Variants in ADAMTSL1 observed in about 807,000 individuals in gnomAD.
ADAMTSL1 encodes ADAMTS like 1.
ADAMTSL1 carries 126 observed loss-of-function variants against 201.8 expected under a neutral mutation model. The observed-to-expected ratio is 0.62, with a 90% confidence interval of 0.54 to 0.72. The LOEUF (loss-of-function observed/expected upper bound fraction) is 0.72, where lower values mean the gene tolerates loss of function less well. ADAMTSL1 is among the 30% of genes least tolerant of loss of function. ADAMTSL1 has a pLI of 0.00. For synonymous variants in ADAMTSL1, 1,121 were observed against 903.4 expected (o/e 1.24, Z -4.32); for missense variants, 2,679 against 2,277.8 (o/e 1.18, Z -3.59).
chr9:18,163,439 G>C (rs1483869695), intron 1 of ADAMTSL1, among the ~76,000 whole-genome samples: 1 of 151,984 alleles, frequency 6.6e-6, no homozygotes, highest in East Asian at 1.9e-4. Context: ...TTCTTATGTG[G>C]TAAATATTTA....
chr9:18,299,175 GA>G (rs1465903479), intron 2 of ADAMTSL1, among the ~76,000 whole-genome samples: 2 of 152,040 alleles, frequency 1.3e-5, no homozygotes, highest in Non-Finnish European at 2.9e-5. Flanking sequence ...TAAGCTTCAT[GA>G]GCTCATACAG....
intron 2 of ADAMTSL1, among the ~76,000 whole-genome samples, chr9:18,177,539 TCAA>T (rs1828226598): frequency 1.3e-5 from 2 of 152,244 alleles, no homozygotes; most frequent in Admixed American, 1.3e-4. Flanking sequence ...ACCAGTATGA[TCAA>T]AGGTGCTAGG....
intron 1 of ADAMTSL1, among the ~76,000 whole-genome samples, chr9:18,069,215 T>C (rs1354644482): frequency 2.0e-5 from 3 of 152,196 alleles, no homozygotes; most frequent in Non-Finnish European, 4.4e-5. Flanking sequence ...TAAAAAAGAA[T>C]ATGTTTCATT....
intron 2 of ADAMTSL1, among the ~76,000 whole-genome samples, chr9:18,450,600 ATATG>A (rs984139725): frequency 2.0e-5 from 3 of 151,530 alleles, no homozygotes; most frequent in Non-Finnish European, 4.4e-5. Flanking sequence ...GTATACATAT[ATATG>A]TATGTATATA....
intron 2 of ADAMTSL1, among the ~76,000 whole-genome samples, chr9:18,341,980 A>G (rs1040789557): frequency 4.6e-5 from 7 of 152,288 alleles, no homozygotes; most frequent in Admixed American, 3.9e-4. Flanking sequence ...ATTGGGCATA[A>G]TATACCATAT....
chr9:18,869,239 G>A (rs975613105), intron 23 of ADAMTSL1, among the ~76,000 whole-genome samples: 8 of 152,104 alleles, frequency 5.3e-5, no homozygotes, highest in Non-Finnish European at 8.8e-5. Flanking sequence ...CTTTCATCTC[G>A]GACTTCTAGC....
chr9:18,485,879 C>T (rs1821965998), intron 1 of ADAMTSL1, among the ~76,000 whole-genome samples: 2 of 152,168 alleles, frequency 1.3e-5, no homozygotes, highest in African/African-American at 2.4e-5. Context: ...CCAAAAGTTT[C>T]AAGATTATTA....
chr9:17,927,779 A>T (rs975673351), intron 1 of ADAMTSL1, among the ~76,000 whole-genome samples: 1 of 151,930 alleles, frequency 6.6e-6, no homozygotes. Context: ...AAGGGACTTG[A>T]GCATCTGTGG....
chr9:18,857,634 T>G (rs559076325), intron 23 of ADAMTSL1, among the ~76,000 whole-genome samples: 8 of 152,358 alleles, frequency 5.3e-5, no homozygotes, highest in African/African-American at 1.9e-4. Context: ...TGGTATCTTC[T>G]GACCTTTTCC....
At chr9:18,255,954 G>C (rs1020353568) in intron 2 of ADAMTSL1, among the ~76,000 whole-genome samples, 2 of 152,076 alleles carry the variant, frequency 1.3e-5, no homozygotes, top group Non-Finnish European at 2.9e-5. Context: ...ACTGACTTTC[G>C]CCCCCATCAA....
chr9:18,164,187 A>G (rs1827531714), intron 2 of ADAMTSL1, among the ~76,000 whole-genome samples: 1 of 151,958 alleles, frequency 6.6e-6, no homozygotes, highest in African/African-American at 2.4e-5. Flanking sequence ...GCAAGATTTA[A>G]ACATTTTACT....
At chr9:18,621,497 G>A (rs1289200860) in intron 4 of ADAMTSL1, among the ~76,000 whole-genome samples, 5 of 150,788 alleles carry the variant, frequency 3.3e-5, no homozygotes, top group Admixed American at 6.6e-5. Flanking sequence ...ACAGGGTAAG[G>A]CAAATGACAG....
In ADAMTSL1 at chr9:18,415,381, A is replaced by C. The variant is rs115361155; in HGVS notation, c.208-89448A>C. ...TTAAAAAACAACAAATCAAACTTCTAAAAATAAAAACTTTAATATCCAAGA... is the reference window on the plus strand; with the variant it reads ...TTAAAAAACAACAAATCAAACTTCTCAAAATAAAAACTTTAATATCCAAGA... On this transcript the variant is annotated intron_variant, in intron 2 of 29. Coordinates refer to the ADAMTSL1 transcript ENST00000680146. 4.3e-3 allele frequency among the ~76,000 whole-genome samples: 650 copies of C among 152,328 alleles called. 4 individuals carry two copies. Among genetic ancestry groups the C allele is most frequent in the African/African-American group, 0.015 (618 of 41,574 alleles).
At chr9:18,593,186 TCCAATTTGGAAAC>T in intron 4 of ADAMTSL1, among the ~76,000 whole-genome samples, 1 of 152,264 alleles carries the variant, frequency 6.6e-6, no homozygotes, top group South Asian at 2.1e-4. Context: ...CTTCTTTCTT[TCCAATTTGGAAAC>T]CCTTTATTTC....
In ADAMTSL1 at chr9:17,981,092, T is replaced by C. The variant is rs1322137724; in HGVS notation, c.87+74170T>C. Among the ~76,000 whole-genome samples, 8 of 152,336 alleles carry C rather than the reference T, an allele frequency of 5.3e-5. No individual in the cohort carries two copies. The East Asian group carries it at 1.4e-3, about 26-fold the overall frequency. ...GATACTTCCCGTTAGGTCCTACTTC[T>C]AACATTGGGGCTCAAAGTTCAACAT... On this transcript the variant is annotated intron_variant, in intron 1 of 29. Transcript: ENST00000680146.
chr9:18,262,656 C>T (rs1213698597), intron 2 of ADAMTSL1, among the ~76,000 whole-genome samples: 1 of 152,070 alleles, frequency 6.6e-6, no homozygotes, highest in African/African-American at 2.4e-5. Context: ...TTGGCACCTA[C>T]AAGAGCAGTA....
At chr9:18,773,454 T>C (rs2133733797) in intron 17 of ADAMTSL1, among the ~76,000 whole-genome samples, 1 of 152,326 alleles carries the variant, frequency 6.6e-6, no homozygotes. Flanking sequence ...TGAAAGATCC[T>C]ATAGCCTAAT....
Position 18,892,409 on chromosome 9 carries a change from C to G in ADAMTSL1, c.4664C>G (p.Ser1555Cys). The G allele has an allele frequency of 6.2e-7, 1 of 1,613,250 alleles. No homozygotes were observed. The highest frequency in any genetic ancestry group is 8.5e-7 in the Non-Finnish European group (1 of 1,179,722). ...CPSRWMVTSWSACTRSCGGGV... is the reference protein window; with the variant it reads ...CPSRWMVTSWCACTRSCGGGV... ...CCCAGGTGGATGGTGACCTCCTGGT[C>G]TGCCTGTACCCGGAGCTGTGGGGGA... The change falls in exon 26 of 29, where the codon TCT becomes TGT. Residue 1555 changes from serine (S) to cysteine (C), a missense_variant. Transcript: ENST00000380548.
intron 23 of ADAMTSL1, among the ~76,000 whole-genome samples, chr9:18,876,301 CGTGTGTGTGT>C (rs59150507): frequency 1.4e-5 from 2 of 139,630 alleles, no homozygotes; most frequent in African/African-American, 5.5e-5. Flanking sequence ...TGCCTGAATA[CGTGTGTGTGT>C]GTGTGTGTGT....
Sources: gnomAD v4.1 joint callset for allele counts (sites outside exome capture counted in the v4.1 genomes callset) on GRCh38, gnomAD v4.1.1 for gene constraint, MANE v1.5 for transcripts, NCBI Gene and HGNC (gene_info 2026-07-23, HGNC 2026-07-21) for gene names.